The following WNK2 variants were observed in gnomAD, a reference collection of about 807,000 sequenced individuals.
WNK2 encodes the protein serine/threonine-protein kinase WNK2.
Under a neutral mutation model 192.1 loss-of-function variants are expected in WNK2, and 67 were observed. The observed-to-expected ratio is 0.35, with a 90% CI of 0.29 to 0.43. WNK2 has a LOEUF of 0.43. WNK2 is among the 20% of genes least tolerant of loss of function. WNK2 has a pLI of 1.00. For synonymous variants in WNK2, 1,439 were observed against 1,393.9 expected (o/e 1.03, Z -0.72); for missense variants, 2,698 against 3,089.7 (o/e 0.87, Z 3.01).
chr9:93,292,941 C>A lies in WNK2; in HGVS notation c.5476C>A (p.Leu1826Met). Residue 1826 changes from leucine (L) to methionine (M), a missense_variant, in exon 23 of 30, where the codon CTG (leucine) becomes ATG (methionine). Leu to Met is a conservative substitution (Grantham distance 15). This residue lies in a region of WNK2 where 1,098 missense variants were observed against 1,101.0 expected (regional missense o/e 1.00). Transcript: ENST00000427277. ...ARPPVQKQASLPVSGSVAGDF... is the reference protein window; with the variant it reads ...ARPPVQKQASMPVSGSVAGDF... ...ACCCCCGGTGCAGAAGCAGGCGTCCCTGCCCGTGAGTGGCAGCGTGGCTGG... is the reference window on the plus strand; with the variant it reads ...ACCCCCGGTGCAGAAGCAGGCGTCCATGCCCGTGAGTGGCAGCGTGGCTGG... 6.5e-7 allele frequency: 1 copy of A among 1,532,620 alleles called. No individual in the cohort carries two copies. The highest frequency in any genetic ancestry group is 8.8e-7 in the Non-Finnish European group (1 of 1,140,496). 94.9% of individuals were successfully genotyped at this position (1,532,620 alleles called of 1,614,324 possible). A position where few individuals can be genotyped will look rare whatever the true frequency, so the allele number is the denominator to read the frequency against.
intron 12 of WNK2, among the ~76,000 whole-genome samples, chr9:93,261,456 A>G (rs552934724): frequency 2.6e-5 from 4 of 152,308 alleles, no homozygotes; most frequent in African/African-American, 7.2e-5. Flanking sequence ...ACCGGGGGCC[A>G]GATGGGGCAG....
intron 19 of WNK2, among the ~76,000 whole-genome samples, chr9:93,276,345 A>T (rs1846873487): frequency 6.6e-6 from 1 of 152,220 alleles, no homozygotes; most frequent in Non-Finnish European, 1.5e-5. Context: ...AAGAAGAGAT[A>T]ATCTTTTCAA....
rs200398928 is a variant in WNK2, at chr9:93,259,466, C to T, written c.2918C>T (p.Thr973Ile). The T allele has an allele frequency of 2.4e-5, 36 of 1,484,188 alleles. No individual in the cohort carries two copies. The African/African-American group carries it at 2.4e-4, about 10-fold the overall frequency. The allele number at this position is 1,484,188 out of a possible 1,614,324, so 91.9% of individuals were successfully genotyped here. ...CAACCTGTGTTGCCCCCGCAACCCA[C>T]ACGGCCCCCTCAACCTGTGCTGCCC... ...PPQPVLPPQP[T>I]RPPQPVLPPQ... is the part of the protein sequence containing the mutation. The change falls in exon 12 of 30, where the codon ACA becomes ATA. Residue 973 changes from threonine (T) to isoleucine (I), a missense_variant. By Grantham distance (89) the Thr-to-Ile change is moderately conservative. Around this residue, in one of 7 missense-constraint regions of WNK2, gnomAD observed 893 missense variants for 909.0 expected, o/e 0.98. Transcript: ENST00000427277. This position sits in a 1 kb window ranked among gnomAD's most constrained non-coding sequence, Gnocchi z 4.8.
At chr9:93,261,690 G>A in intron 12 of WNK2, 124 bp from the exon 13 acceptor site, 10 of 1,126,250 alleles carry the variant, frequency 8.9e-6, no homozygotes, top group Non-Finnish European at 1.3e-5. Context: ...TCCCCTTGGG[G>A]AGGGTGTGGT....
Position 93,231,181 on chromosome 9 carries a change from C to G in WNK2, c.1075+73C>G, listed in dbSNP as rs1047427398. The G allele has an allele frequency of 8.1e-6, 12 of 1,472,884 alleles. No individual in the cohort carries two copies. The Admixed American group carries it at 1.4e-4, about 17-fold the overall frequency. The allele number at this position is 1,472,884 out of a possible 1,614,324, so 91.2% of individuals were successfully genotyped here. On this transcript the variant is annotated intron_variant, in intron 4 of 29. Transcript: ENST00000427277. ...GGCAGCAGTGAGTGCTGGCGAGCAT[C>G]CAGTTTTGTTCAGACCTGGTGCAGG...
At chr9:93,309,181 G>A (rs1853188413) in intron 28 of WNK2, 11 of 963,726 alleles carry the variant, frequency 1.1e-5, no homozygotes, top group Non-Finnish European at 1.4e-5. Flanking sequence ...TTTAGTAAAG[G>A]TCATTTGTGA....
At chr9:93,224,273 C>T (rs752400744) in intron 2 of WNK2, among the ~76,000 whole-genome samples, 4 of 152,218 alleles carry the variant, frequency 2.6e-5, no homozygotes, top group Admixed American at 6.5e-5. Context: ...GAAGATGCCA[C>T]GGAATCCCAA....
intron 23 of WNK2, among the ~76,000 whole-genome samples, chr9:93,295,353 C>T (rs1228529945): frequency 6.6e-6 from 1 of 152,168 alleles, no homozygotes; most frequent in African/African-American, 2.4e-5. Context: ...TCCAGAAGAT[C>T]ATCTGATGCT....
intron 9 of WNK2, among the ~76,000 whole-genome samples, chr9:93,255,735 A>G (rs1843188683): frequency 6.6e-6 from 1 of 152,228 alleles, no homozygotes; most frequent in Non-Finnish European, 1.5e-5. Context: ...GCTCTGCACA[A>G]TAAGGACTCT....
At chr9:93,305,963 G>A (rs1194366931) in intron 26 of WNK2, among the ~76,000 whole-genome samples, 4 of 152,182 alleles carry the variant, frequency 2.6e-5, no homozygotes, top group African/African-American at 9.6e-5. Flanking sequence ...GGATGGCCGT[G>A]CCTTCCGGCC....
intron 2 of WNK2, among the ~76,000 whole-genome samples, chr9:93,214,695 GT>G (rs1246658111): frequency 0.011 from 583 of 53,936 alleles, 10 homozygotes; most frequent in African/African-American, 0.053. Flanking sequence ...TTTGAAGGTA[GT>G]GCCCCCCCCC....
intron 19 of WNK2, among the ~76,000 whole-genome samples, chr9:93,270,926 C>A (rs189684968): frequency 2.9e-4 from 44 of 152,258 alleles, no homozygotes; most frequent in Middle Eastern, 3.4e-3. Flanking sequence ...ATGGCACAGC[C>A]GCAGAATTGG....
chr9:93,284,204 A>G (rs944807384), intron 19 of WNK2, among the ~76,000 whole-genome samples: 1 of 152,242 alleles, frequency 6.6e-6, no homozygotes, highest in East Asian at 1.9e-4. Flanking sequence ...TTGTTTTATC[A>G]AACTAGCGTA....
chr9:93,204,925 G>A (rs1186036553), intron 2 of WNK2, among the ~76,000 whole-genome samples: 1 of 152,214 alleles, frequency 6.6e-6, no homozygotes, highest in East Asian at 1.9e-4. Context: ...GGAGGCCAGA[G>A]GCCAGCAGGG....
chr9:93,319,141 G>C, intron 29 of WNK2: 1 of 1,614,146 alleles, frequency 6.2e-7, no homozygotes, highest in Non-Finnish European at 8.5e-7. Context: ...GTACATGGTG[G>C]TCAGTGGCAC....
chr9:93,243,706 A>G (rs1363187165), intron 7 of WNK2, among the ~76,000 whole-genome samples: 1 of 152,164 alleles, frequency 6.6e-6, no homozygotes, highest in Non-Finnish European at 1.5e-5. Flanking sequence ...CGGCAGGTTG[A>G]CGCTGGGTCC....
At chr9:93,297,792 G>A in intron 23 of WNK2, 61 bp from the exon 24 acceptor site, 1 of 1,502,660 alleles carries the variant, frequency 6.7e-7, no homozygotes, top group East Asian at 2.5e-5. Context: ...TCCTGGAGGA[G>A]CTGGCGGTGT....
chr9:93,260,021 C>A (rs1052559044), intron 12 of WNK2, among the ~76,000 whole-genome samples: 5 of 152,148 alleles, frequency 3.3e-5, no homozygotes, highest in African/African-American at 9.7e-5. Flanking sequence ...AGGGTGACAA[C>A]CCCATCTTAG....
Position 93,232,015 on chromosome 9 carries a change from G to A in WNK2, c.1075+907G>A, listed in dbSNP as rs116780129. ...CTGCAACATGTGCAGGGCAAGCAGC[G>A]TGGGTCGGGGCTCAGGAAGCCCAGA... is the stretch of plus-strand genomic sequence containing the variant. On this transcript the variant is annotated intron_variant, in intron 4 of 29. Coordinates refer to ENST00000427277, the MANE Select transcript of WNK2 (RefSeq NM_006648.4). 5.3e-3 allele frequency among the ~76,000 whole-genome samples: 808 copies of A among 152,338 alleles called. 6 individuals carry two copies. The highest frequency in any genetic ancestry group is 0.018 in the African/African-American group (754 of 41,574).
Sources: allele counts gnomAD v4.1 joint callset (sites outside exome capture counted in the v4.1 genomes callset), GRCh38; gene constraint gnomAD v4.1.1; regional missense constraint gnomAD v4.1.1; non-coding constraint Gnocchi (gnomAD v3.1); transcripts MANE v1.5; gene names NCBI Gene and HGNC (gene_info 2026-07-23, HGNC 2026-07-21).